The following GPLD1 variants were observed in gnomAD, a reference collection of about 807,000 sequenced individuals.
The protein encoded by GPLD1 is phosphatidylinositol-glycan-specific phospholipase D.
GPLD1 carries 84 observed loss-of-function variants against 112.6 expected under a neutral mutation model. The ratio of observed to expected loss-of-function variants is 0.75; its 90% CI spans 0.63 to 0.89. The LOEUF (loss-of-function observed/expected upper bound fraction) is 0.89, where lower values mean the gene tolerates loss of function less well. GPLD1 is among the 40% of genes least tolerant of loss of function. GPLD1 has a pLI of 0.00. For synonymous variants in GPLD1, 386 were observed against 403.8 expected (o/e 0.96, Z 0.53); for missense variants, 1,044 against 1,051.5 (o/e 0.99, Z 0.10).
chr6:24,489,577 T>A lies in GPLD1; in HGVS notation c.-66A>T, dbSNP rs1335100774. On this transcript the variant is annotated 5_prime_UTR_variant, in exon 1 of 25. Coordinates refer to ENST00000230036, the MANE Select transcript of GPLD1 (RefSeq NM_001503.4). ...CTCAGAGCTGCAGCAGCACTGGGACTCCAAAATCCAGGTGCAGACCCACCG... is the reference window on the plus strand; with the variant it reads ...CTCAGAGCTGCAGCAGCACTGGGACACCAAAATCCAGGTGCAGACCCACCG... The A allele has an allele frequency of 4.4e-6, 7 of 1,606,278 alleles. No individual in the cohort carries two copies. In the South Asian group the frequency reaches 5.6e-5, roughly 13 times the overall value.
intron 22 of GPLD1, among the ~76,000 whole-genome samples, chr6:24,436,161 C>T (rs1762572690): frequency 6.6e-6 from 1 of 152,064 alleles, no homozygotes; most frequent in Admixed American, 6.5e-5. Flanking sequence ...GAGGCTGAGA[C>T]AAGAGAATCA....
chr6:24,439,244 A>G (rs1049217757), intron 20 of GPLD1, among the ~76,000 whole-genome samples: 1 of 152,240 alleles, frequency 6.6e-6, no homozygotes, highest in Admixed American at 6.5e-5. Context: ...CCACAGGATG[A>G]ACACTGGCCC....
intron 2 of GPLD1, among the ~76,000 whole-genome samples, chr6:24,483,080 C>T (rs1029705113): frequency 6.6e-6 from 1 of 152,184 alleles, no homozygotes; most frequent in Non-Finnish European, 1.5e-5. Context: ...GTTATCCCAG[C>T]ACTTTGGGAG....
At chr6:24,450,641 T>C (rs1476681670) in intron 14 of GPLD1, among the ~76,000 whole-genome samples, 1 of 152,230 alleles carries the variant, frequency 6.6e-6, no homozygotes, top group Non-Finnish European at 1.5e-5. Flanking sequence ...AATAGGGCTG[T>C]TACATTTAAA....
At chr6:24,493,605 G>A (rs1355214322), upstream of GPLD1, among the ~76,000 whole-genome samples, 2 of 152,172 alleles carry the variant, frequency 1.3e-5, no homozygotes, top group Non-Finnish European at 2.9e-5. Flanking sequence ...ATACCTACTG[G>A]CCCACATCCC....
chr6:24,491,975 ACTAT>A (rs2127376581), upstream of GPLD1, among the ~76,000 whole-genome samples: 1 of 152,352 alleles, frequency 6.6e-6, no homozygotes, highest in African/African-American at 2.4e-5. Flanking sequence ...TCACAATATT[ACTAT>A]CTGACAAATA....
chr6:24,432,815 C>T (rs769176003), intron 24 of GPLD1, among the ~76,000 whole-genome samples: 33 of 152,148 alleles, frequency 2.2e-4, no homozygotes, highest in Non-Finnish European at 3.8e-4. Context: ...CAGACGAGCC[C>T]GGCTATGTTC....
intron 2 of GPLD1, among the ~76,000 whole-genome samples, chr6:24,482,097 A>ATTTTGTTT (rs781099419): frequency 3.9e-5 from 4 of 103,210 alleles, no homozygotes; most frequent in African/African-American, 1.2e-4. Flanking sequence ...GTATTTTTGG[A>ATTTTGTTT]TTTTTTTTTT....
intron 7 of GPLD1, among the ~76,000 whole-genome samples, chr6:24,469,942 T>C (rs1224587513): frequency 6.6e-6 from 1 of 151,910 alleles, no homozygotes; most frequent in African/African-American, 2.4e-5. Context: ...GCTTAAAAAG[T>C]CAGACAAAAT....
At chr6:24,443,956 G>A (rs530458808) in intron 20 of GPLD1, among the ~76,000 whole-genome samples, 1 of 152,234 alleles carries the variant, frequency 6.6e-6, no homozygotes, top group South Asian at 2.1e-4. Context: ...TTACAGGCGT[G>A]AGCCACTGCA....
intron 11 of GPLD1, among the ~76,000 whole-genome samples, chr6:24,461,633 ACTT>A (rs933704210): frequency 9.2e-5 from 14 of 152,158 alleles, no homozygotes; most frequent in African/African-American, 3.4e-4. Flanking sequence ...TTAAGCCATC[ACTT>A]CTTCAAGGAG....
At chr6:24,494,969 G>A in exon 1 of GPLD1, 5 of 1,301,532 alleles carry the variant, frequency 3.8e-6, no homozygotes, top group Non-Finnish European at 3.9e-6. Context: ...CCGCTTGCCT[G>A]TTTCCTGTCG....
At chr6:24,436,373 T>C (rs994374295) in intron 22 of GPLD1, among the ~76,000 whole-genome samples, 12 of 152,174 alleles carry the variant, frequency 7.9e-5, no homozygotes, top group African/African-American at 2.9e-4. Context: ...CCAAGTCCAG[T>C]GGGACTTTAG....
chr6:24,464,735 G>A (rs141048309), intron 10 of GPLD1, among the ~76,000 whole-genome samples: 1,575 of 152,214 alleles, frequency 0.01, 17 homozygotes, highest in Non-Finnish European at 0.016. Context: ...CACAGGTCCC[G>A]CCCAGAGAAC....
Position 24,425,981 on chromosome 6 carries a change from T to C in GPLD1, c.*3051A>G, listed in dbSNP as rs1191292852. 1 of 152,232 alleles carries C rather than the reference T, an allele frequency of 6.6e-6. No individual in the cohort carries two copies. The highest frequency in any genetic ancestry group is 1.9e-4 in the East Asian group (1 of 5,198). 9.4% of individuals were successfully genotyped at this position (152,232 alleles called of 1,614,324 possible). ...CAGAGGTGAGCTAATGGATGGTACATGGAGTAGGGACTGCAGAGACCCTAG... is the reference window on the plus strand; with the variant it reads ...CAGAGGTGAGCTAATGGATGGTACACGGAGTAGGGACTGCAGAGACCCTAG... On this transcript the variant is annotated 3_prime_UTR_variant, in exon 25 of 25. Coordinates refer to ENST00000230036, the MANE Select transcript of GPLD1 (RefSeq NM_001503.4).
intron 12 of GPLD1, among the ~76,000 whole-genome samples, chr6:24,458,270 G>A (rs912853299): frequency 3.3e-5 from 5 of 152,102 alleles, no homozygotes; most frequent in Non-Finnish European, 7.3e-5. Context: ...TTTCAGGCAC[G>A]AGTATGCCTT....
intron 13 of GPLD1, among the ~76,000 whole-genome samples, chr6:24,456,114 G>A (rs1763258733): frequency 6.6e-6 from 1 of 152,162 alleles, no homozygotes; most frequent in Non-Finnish European, 1.5e-5. Flanking sequence ...AACAGTTGCA[G>A]AGGGCTGGGC....
At chr6:24,458,518 C>T (rs564924776) in intron 12 of GPLD1, among the ~76,000 whole-genome samples, 2,324 of 4,690 alleles carry the variant, frequency 0.5, 31 homozygotes, top group South Asian at 0.51. Context: ...GTTCCCCTCC[C>T]CGGTCCGGAC....
rs112227690 is a variant in GPLD1 at position 24,475,553 on chromosome 6, AC to A, written c.331-323del. Among the ~76,000 whole-genome samples the A allele has an allele frequency of 3.4e-4, 44 of 130,608 alleles. No homozygotes were observed. In the East Asian group the frequency reaches 5.1e-3, roughly 15 times the overall value. The allele number at this position is 130,608 out of a possible 152,430, so 85.7% of individuals were successfully genotyped here. A position where few individuals can be genotyped will look rare whatever the true frequency, so the allele number is the denominator to read the frequency against. On this transcript the variant is annotated intron_variant, in intron 4 of 24. Transcript: ENST00000230036. Reference sequence around the variant, plus strand: ...AGACTCTGTCTCAAAAAAAAAAAAAACCACACACAGGCCGGGCGCAGTGGCT... The same window carrying A: ...AGACTCTGTCTCAAAAAAAAAAAAAACACACACAGGCCGGGCGCAGTGGCT...
Sources: allele counts gnomAD v4.1 joint callset (sites outside exome capture counted in the v4.1 genomes callset), GRCh38; gene constraint gnomAD v4.1.1; transcripts MANE v1.5; gene names NCBI Gene and HGNC (gene_info 2026-07-23, HGNC 2026-07-21).